PSD3: variants seen among roughly 807,000 people sequenced by gnomAD.
The protein encoded by PSD3 is PH and SEC7 domain-containing protein 3.
PSD3 carries 49 observed loss-of-function variants against 105.5 expected under a neutral mutation model. That is an observed-to-expected ratio of 0.46 (90% CI 0.37 to 0.59). The LOEUF is 0.59. PSD3 is among the 20% of genes least tolerant of loss of function. PSD3 has a pLI of 0.00. For synonymous variants in PSD3, 557 were observed against 457.8 expected, an observed-to-expected ratio of 1.22 and a Z score of -2.77; for missense variants, 1,561 against 1,263.8, an observed-to-expected ratio of 1.24 and a Z score of -3.57.
At position 18,843,153 on chromosome 8, in the gene PSD3, G is replaced by A. The variant is rs548328012; in HGVS notation, c.1634+24521C>T. The stretch of plus-strand genomic sequence containing the variant: ...AGACGGGCGGATCACGAGGTCAGGC[G>A]ATCGAGACCATCCTGGCTACCACGG... On this transcript the variant is annotated intron_variant, in intron 4 of 15. Transcript: ENST00000327040. Among the ~76,000 whole-genome samples the A allele has an allele frequency of 1.1e-3, 167 of 152,104 alleles. 1 individual carries two copies. The highest frequency in any genetic ancestry group is 1.1e-3 in the Non-Finnish European group (72 of 67,996).
intron 9 of PSD3, among the ~76,000 whole-genome samples, chr8:18,705,534 CAAAAAA>C (rs34331384): frequency 4.5e-5 from 4 of 88,434 alleles, no homozygotes; most frequent in Non-Finnish European, 2.1e-5. Flanking sequence ...CTGTCTCAAG[CAAAAAA>C]AAAAAAAAAA....
chr8:18,613,081 T>C (rs907335441), intron 11 of PSD3, among the ~76,000 whole-genome samples: 1 of 151,764 alleles, frequency 6.6e-6, no homozygotes, highest in African/African-American at 2.4e-5. Flanking sequence ...AAGCAACAAA[T>C]CCCAAAATGA....
At position 18,868,040 on chromosome 8, in the gene PSD3, C is replaced by G; in HGVS notation, c.1268G>C (p.Gly423Ala). The change falls in exon 4 of 16, where the codon GGG becomes GCG. Residue 423 changes from glycine to alanine, a missense_variant. Transcript: ENST00000327040. ...RISEQEEHVKGEDEDILGPGY... is the reference protein window; with the variant it reads ...RISEQEEHVKAEDEDILGPGY... Reference sequence around the variant, plus strand: ...AGGCCCAAGGATGTCTTCATCTTCCCCCTTAACGTGCTCCTCTTGTTCGCT... The same window carrying G: ...AGGCCCAAGGATGTCTTCATCTTCCGCCTTAACGTGCTCCTCTTGTTCGCT... 3.7e-6 allele frequency: 6 copies of G among 1,610,912 alleles called. 1 individual carries two copies. Among genetic ancestry groups the G allele is most frequent in the Non-Finnish European group, 5.1e-6 (6 of 1,178,630 alleles).
chr8:18,992,419 C>T (rs1443256555), intron 1 of PSD3, among the ~76,000 whole-genome samples: 1 of 152,114 alleles, frequency 6.6e-6, no homozygotes, highest in Non-Finnish European at 1.5e-5. Flanking sequence ...CTGGCACACA[C>T]CTCAATAAAT....
At position 19,073,960 on chromosome 8, in the gene PSD3, T is replaced by G. The variant is rs577274980; in HGVS notation, c.324+10246A>C. 1.7e-3 allele frequency among the ~76,000 whole-genome samples: 253 copies of G among 152,010 alleles called. 2 individuals are homozygous for G. Among genetic ancestry groups the G allele is most frequent in the African/African-American group, 5.8e-3 (240 of 41,474 alleles). On this transcript the variant is annotated intron_variant, in intron 1 of 1. Coordinates refer to the PSD3 transcript ENST00000521475. ...CGCCTGCCACCACGCCTGGCTAATT[T>G]TTTGTATTTTTAGTAGAGACGAGGT...
At chr8:18,567,233 C>T (rs966968921) in intron 14 of PSD3, among the ~76,000 whole-genome samples, 3 of 150,040 alleles carry the variant, frequency 2.0e-5, no homozygotes, top group African/African-American at 4.9e-5. Context: ...GAAAGTCCAC[C>T]GTAAAATTAA....
chr8:18,812,837 G>T (rs575207862), intron 4 of PSD3, among the ~76,000 whole-genome samples: 1 of 152,238 alleles, frequency 6.6e-6, no homozygotes, highest in South Asian at 2.1e-4. Flanking sequence ...GCATTCTTCT[G>T]TTTAAGGACC....
intron 11 of PSD3, among the ~76,000 whole-genome samples, chr8:18,601,031 C>T (rs1804405235): frequency 6.6e-6 from 1 of 152,204 alleles, no homozygotes; most frequent in Non-Finnish European, 1.5e-5. Context: ...ATGTCTCTTT[C>T]ACTAGACTAT....
chr8:18,586,303 G>C (rs1437135027), intron 12 of PSD3, among the ~76,000 whole-genome samples: 1 of 152,164 alleles, frequency 6.6e-6, no homozygotes, highest in Non-Finnish European at 1.5e-5. Flanking sequence ...GCTGTGCCTA[G>C]TTTTCCTTCT....
rs1451208367 is a variant in PSD3, at chr8:18,748,408, C to A, written c.2172+17041G>T. 2.6e-5 allele frequency among the ~76,000 whole-genome samples: 4 copies of A among 152,178 alleles called. No individual in the cohort carries two copies. In the East Asian group the frequency reaches 5.8e-4, roughly 22 times the overall value. On this transcript the variant is annotated intron_variant, in intron 9 of 15. Coordinates refer to ENST00000327040, the MANE Select transcript of PSD3 (RefSeq NM_015310.4). ...GGGCGCGATGGCTCACACCTGTAAT[C>A]CCAGCACTTTGAGAGGCCAAGGCGG...
upstream of PSD3, among the ~76,000 whole-genome samples, chr8:19,017,570 C>G (rs1827217508): frequency 6.6e-6 from 1 of 152,188 alleles, no homozygotes; most frequent in African/African-American, 2.4e-5. Context: ...CTTTTCCCTC[C>G]AAACCCCTCA....
intron 4 of PSD3, chr8:18,865,257 TATATATATATATATATATATATATATATA>T (rs1563360207): frequency 0.02 from 88 of 4,456 alleles, no homozygotes; most frequent in East Asian, 0.052. Flanking sequence ...TATATATATA[TATATATATATATATATATATATATATATA>T]TTTTTTTTTT....
chr8:18,684,679 C>T (rs992642389), intron 9 of PSD3, among the ~76,000 whole-genome samples: 1 of 152,200 alleles, frequency 6.6e-6, no homozygotes, highest in Non-Finnish European at 1.5e-5. Context: ...GGAATTATGT[C>T]AGTGTGTACG....
intron 2 of PSD3, among the ~76,000 whole-genome samples, chr8:18,928,300 G>T (rs1451351865): frequency 6.6e-6 from 1 of 152,174 alleles, no homozygotes; most frequent in African/African-American, 2.4e-5. Flanking sequence ...CTTGCCAGCT[G>T]CCATGTAAGA....
In PSD3 at chr8:18,791,579, C is replaced by T. The variant is rs187721636; in HGVS notation, c.2082+7716G>A. Among the ~76,000 whole-genome samples, 428 of 152,232 alleles carry T rather than the reference C, an allele frequency of 2.8e-3. 1 individual carries two copies. The highest frequency in any genetic ancestry group is 3.9e-3 in the Admixed American group (60 of 15,298). ...CTTACACCATATACAAAAATCGACT[C>T]AAGATGGATTTAAGACTTAAATGTG... is the stretch of plus-strand genomic sequence containing the variant. On this transcript the variant is annotated intron_variant, in intron 8 of 15. Transcript: ENST00000327040.
rs1458723005 is a variant in PSD3 at position 18,528,112 on chromosome 8, G to A, written c.*7631C>T. 6.6e-6 allele frequency: 1 copy of A among 152,152 alleles called. No individual in the cohort carries two copies. The highest frequency in any genetic ancestry group is 1.5e-5 in the Non-Finnish European group (1 of 68,018). The allele number at this position is 152,152 out of a possible 1,614,324, so 9.4% of individuals were successfully genotyped here. On this transcript the variant is annotated 3_prime_UTR_variant, in exon 16 of 16. Coordinates refer to ENST00000327040, the MANE Select transcript of PSD3 (RefSeq NM_015310.4). ...TTCTGCCTGTCCTATGGTAATCAAG[G>A]CTGACAATATAAATTCTCCGCTAGT...
intron 8 of PSD3, among the ~76,000 whole-genome samples, chr8:18,787,385 T>C (rs903778974): frequency 5.3e-5 from 8 of 152,200 alleles, no homozygotes; most frequent in Admixed American, 4.6e-4. Context: ...ATATATTTTC[T>C]ATCAAAACAG....
intron 9 of PSD3, among the ~76,000 whole-genome samples, chr8:18,760,920 C>T (rs1806473328): frequency 6.6e-6 from 1 of 152,136 alleles, no homozygotes; most frequent in African/African-American, 2.4e-5. Flanking sequence ...CCCTTGTCTC[C>T]CCCAGGGATG....
At chr8:18,804,419 G>A (rs956289190) in intron 6 of PSD3, 103 bp downstream of exon 6, 8 of 887,190 alleles carry the variant, frequency 9.0e-6, no homozygotes, top group Non-Finnish European at 1.3e-5. Context: ...ATACATGGAG[G>A]TTTAAAAAAA....
Sources: gnomAD v4.1 joint callset for allele counts (sites outside exome capture counted in the v4.1 genomes callset) on GRCh38, gnomAD v4.1.1 for gene constraint, MANE v1.5 for transcripts, NCBI Gene and HGNC (gene_info 2026-07-23, HGNC 2026-07-21) for gene names.